Variants in TRMT44 observed in about 807,000 individuals in gnomAD.
The protein encoded by TRMT44 is tRNA methyltransferase 44 homolog, also known as probable tRNA (uracil-O(2)-)-methyltransferase.
In TRMT44, 78 loss-of-function variants were observed where a neutral mutation model predicts 77.3. The ratio of observed to expected loss-of-function variants is 1.01; its 90% CI spans 0.84 to 1.22. The LOEUF is 1.22. Ranked by LOEUF, TRMT44 falls within the 50% of genes most tolerant of loss-of-function variation. The pLI, the probability that TRMT44 is intolerant of heterozygous loss-of-function variation, is 0.00. For synonymous variants in TRMT44, 391 were observed against 383.3 expected (o/e 1.02, Z -0.23); for missense variants, 1,090 against 964.4 (o/e 1.13, Z -1.73).
the TRMT44 span, among the ~76,000 whole-genome samples, chr4:8,513,859 C>G: frequency 6.6e-6 from 1 of 152,160 alleles, no homozygotes; most frequent in Non-Finnish European, 1.5e-5. Context: ...CCAGGGTGAC[C>G]AAAACCCTCC....
At chr4:8,485,656 G>C (rs933746296) in intron 2 of TRMT44, among the ~76,000 whole-genome samples, 1 of 152,148 alleles carries the variant, frequency 6.6e-6, no homozygotes, top group Non-Finnish European at 1.5e-5. Context: ...AGATGCGAAG[G>C]AGGCTTTGGG....
At chr4:8,496,253 T>G (rs188700741), downstream of TRMT44, among the ~76,000 whole-genome samples, 16 of 152,344 alleles carry the variant, frequency 1.1e-4, no homozygotes, top group Non-Finnish European at 2.2e-4. Flanking sequence ...TTGTTTAAAA[T>G]AAATCTCTGC....
intron 10 of TRMT44, among the ~76,000 whole-genome samples, chr4:8,474,339 G>A (rs1246979115): frequency 3.3e-5 from 5 of 152,198 alleles, no homozygotes; most frequent in African/African-American, 1.2e-4. Context: ...CATGGGCAGA[G>A]TGTCGCGGGA....
At chr4:8,450,674 G>A (rs751097023) in intron 3 of TRMT44, among the ~76,000 whole-genome samples, 2 of 151,962 alleles carry the variant, frequency 1.3e-5, no homozygotes, top group Non-Finnish European at 2.9e-5. Context: ...ATACATCTGT[G>A]TGTTTATGCC....
chr4:8,479,896 G>T (rs1217332456), downstream of TRMT44, among the ~76,000 whole-genome samples: 1 of 151,404 alleles, frequency 6.6e-6, no homozygotes, highest in African/African-American at 2.4e-5. Context: ...TTGTTTTTTT[G>T]AGACGGGGTC....
chr4:8,460,721 T>C (rs1401574822), intron 6 of TRMT44, among the ~76,000 whole-genome samples: 1 of 152,160 alleles, frequency 6.6e-6, no homozygotes, highest in Non-Finnish European at 1.5e-5. Context: ...TACGCCTGAC[T>C]AATTGTATTT....
intron 2 of TRMT44, among the ~76,000 whole-genome samples, chr4:8,488,339 G>A (rs1375350502): frequency 6.6e-6 from 1 of 152,210 alleles, no homozygotes; most frequent in Non-Finnish European, 1.5e-5. Flanking sequence ...CTGGGTGCAG[G>A]TGGGCTGAGT....
chr4:8,471,223 G>A (rs375528488), intron 10 of TRMT44, 23 bp downstream of exon 10: 14 of 1,462,150 alleles, frequency 9.6e-6, no homozygotes, highest in South Asian at 3.7e-5. Flanking sequence ...CCTCTCCCCC[G>A]CCGTTCTTTC....
chr4:8,443,916 T>G (rs1381998939), intron 1 of TRMT44, among the ~76,000 whole-genome samples: 1 of 150,856 alleles, frequency 6.6e-6, no homozygotes, highest in East Asian at 1.9e-4. Context: ...ACCAAGATTG[T>G]GCCACTGCAT....
intron 6 of TRMT44, 36 bp downstream of exon 6, chr4:8,454,849 A>G (rs376122818): frequency 5.0e-6 from 8 of 1,592,026 alleles, no homozygotes; most frequent in East Asian, 2.2e-5. Context: ...TGATCTCAGC[A>G]TGGCTTAGCT....
chr4:8,449,673 A>G lies in TRMT44; in HGVS notation c.739A>G (p.Ile247Val), dbSNP rs761801656. Reference sequence around the variant, plus strand: ...ATATTTCTCTTATTTTTAAAGGTTCATATCTGTTTTAATTTTCTGTCCAGA... The same window carrying G: ...ATATTTCTCTTATTTTTAAAGGTTCGTATCTGTTTTAATTTTCTGTCCAGA... ...QLSHSKEEWF[I>V]SVLIFCPERW... Residue 247 changes from isoleucine to valine, a missense_variant, in exon 3 of 11, where the codon ATA (isoleucine) becomes GTA (valine). Ile to Val is a conservative substitution (Grantham distance 29, BLOSUM62 3). Coordinates refer to ENST00000389737, the MANE Select transcript of TRMT44 (RefSeq NM_152544.3). The G allele has an allele frequency of 7.2e-6, 11 of 1,533,718 alleles. No homozygotes were observed. The East Asian group carries it at 2.2e-4, about 31-fold the overall frequency.
At chr4:8,493,937 C>G (rs1728084510), downstream of TRMT44, among the ~76,000 whole-genome samples, 1 of 149,960 alleles carries the variant, frequency 6.7e-6, no homozygotes. Context: ...TCTTACTGGT[C>G]TCTTACCAGC....
At chr4:8,479,116 CTG>C (rs1434683998), downstream of TRMT44, 1 of 152,202 alleles carries the variant, frequency 6.6e-6, no homozygotes, top group Non-Finnish European at 1.5e-5. Flanking sequence ...AGGGCCACAA[CTG>C]TCACAGAACG....
the TRMT44 span, among the ~76,000 whole-genome samples, chr4:8,506,395 A>C: frequency 6.6e-6 from 1 of 152,238 alleles, no homozygotes; most frequent in Admixed American, 6.5e-5. Context: ...TTTCTTTAAC[A>C]GTCTGTTTAG....
the TRMT44 span, among the ~76,000 whole-genome samples, chr4:8,501,865 G>A: frequency 6.6e-6 from 1 of 152,140 alleles, no homozygotes; most frequent in East Asian, 1.9e-4. This position sits in a 1 kb window ranked among gnomAD's most constrained non-coding sequence, Gnocchi z 4.4. Context: ...AGGCTGCCTG[G>A]AAGGTTCCAG....
chr4:8,468,325 T>A lies in TRMT44; in HGVS notation c.1906T>A (p.Leu636Met), dbSNP rs370787337. 6.2e-7 allele frequency: 1 copy of A among 1,613,978 alleles called. No individual in the cohort carries two copies. Among genetic ancestry groups the A allele is most frequent in the South Asian group, 1.1e-5 (1 of 91,084 alleles). ...CACAAGAAGTTCTCGAAATGGGAGT[T>A]TGAAGACCTGGAATGGGGGAGGTAA... ...LNTRSSRNGSLKTWNGGESLS... is the reference protein window; with the variant it reads ...LNTRSSRNGSMKTWNGGESLS... The change falls in exon 9 of 11, where the codon TTG becomes ATG. Residue 636 changes from leucine to methionine, a missense_variant. By Grantham distance (15) the Leu-to-Met change is conservative. Coordinates refer to ENST00000389737, the MANE Select transcript of TRMT44 (RefSeq NM_152544.3).
intron 10 of TRMT44, among the ~76,000 whole-genome samples, chr4:8,473,862 C>T (rs1727189534): frequency 6.6e-6 from 1 of 152,142 alleles, no homozygotes; most frequent in Non-Finnish European, 1.5e-5. Context: ...AGCTACCTGC[C>T]ATGTCCAGGG....
At chr4:8,501,843 C>T in the TRMT44 span, among the ~76,000 whole-genome samples, 1 of 152,198 alleles carries the variant, frequency 6.6e-6, no homozygotes, top group Non-Finnish European at 1.5e-5. The surrounding 1 kb of genome is among the most constrained non-coding windows in gnomAD (Gnocchi z 4.4). Flanking sequence ...GCCTCTCCAT[C>T]CAAAAACCAG....
intron 6 of TRMT44, among the ~76,000 whole-genome samples, chr4:8,457,533 G>A (rs1257619986): frequency 1.3e-5 from 2 of 152,308 alleles, no homozygotes; most frequent in African/African-American, 4.8e-5. Context: ...AGATCAGAGA[G>A]TTACAAGGAC....
Sources: gnomAD v4.1 joint callset for allele counts (sites outside exome capture counted in the v4.1 genomes callset) on GRCh38, gnomAD v4.1.1 for gene constraint, Gnocchi (gnomAD v3.1) non-coding constraint, MANE v1.5 for transcripts, NCBI Gene and HGNC (gene_info 2026-07-23, HGNC 2026-07-21) for gene names.